Variants in C1orf167 observed in about 807,000 individuals in gnomAD.
The protein encoded by C1orf167 is chromosome 1 open reading frame 167.
Under a neutral mutation model 176.5 loss-of-function variants are expected in C1orf167, and 153 were observed. That is an observed-to-expected ratio of 0.87 (90% CI 0.76 to 0.99). The LOEUF is 0.99. Ranked by LOEUF, C1orf167 falls within the 50% of genes least tolerant of loss-of-function variation. The probability of loss-of-function intolerance (pLI) is 0.00; values close to 1 mark genes in which losing one functional copy is unlikely to be tolerated. For missense variants in C1orf167, 1,490 were observed against 1,817.7 expected (o/e 0.82, Z 3.28); for synonymous variants, 594 against 752.7 (o/e 0.79, Z 3.45).
intron 6 of C1orf167, among the ~76,000 whole-genome samples, chr1:11,769,825 C>T (rs887203414): frequency 6.6e-6 from 1 of 152,014 alleles, no homozygotes; most frequent in Admixed American, 6.6e-5. Flanking sequence ...GCGCCCACCA[C>T]CATGCCCGGC....
chr1:11,774,442 T>A (rs574497447), intron 8 of C1orf167, among the ~76,000 whole-genome samples: 11 of 152,378 alleles, frequency 7.2e-5, no homozygotes, highest in African/African-American at 2.6e-4. Context: ...AGTTTCCCAC[T>A]GTCTGCATTT....
chr1:11,785,073 A>G, intron 15 of C1orf167, 75 bp from the exon 16 acceptor site: 1 of 1,147,972 alleles, frequency 8.7e-7, no homozygotes, highest in Non-Finnish European at 1.1e-6. Context: ...CCCCTCCCGC[A>G]GGGCACTGGG....
At position 11,763,323 on chromosome 1, in the gene C1orf167, T is replaced by C. The variant is rs1003010842; in HGVS notation, c.-70-1008T>C. On this transcript the variant is annotated intron_variant, in intron 1 of 20. Transcript: ENST00000688073. ...TGGCGTGGTGGCATGTGCCTGTGGT[T>C]CCAGCTTGTTAGAGGCTGAGGTGGG... Among the ~76,000 whole-genome samples, 8 of 152,070 alleles carry C rather than the reference T, an allele frequency of 5.3e-5. No homozygotes were observed. The South Asian group carries it at 1.0e-3, about 20-fold the overall frequency.
chr1:11,766,132 C>T lies in C1orf167; in HGVS notation c.346C>T (p.Arg116Ter), dbSNP rs1038327298. ...SLARRRQGKA[R>*]EFAIQQSNLS... ...GGCCAGGAGGCGCCAAGGGAAGGCC[C>T]GAGAGTTTGCCATCCAGCAGAGCAA... The change falls in exon 3 of 21, where the codon CGA becomes TGA. Residue 116 changes from arginine (R) to a stop codon, truncating the protein, a stop_gained. Coordinates refer to ENST00000688073, the MANE Select transcript of C1orf167 (RefSeq NM_001010881.2). LOFTEE classifies it high-confidence loss of function. The surrounding 1 kb of genome is among the most constrained non-coding windows in gnomAD (Gnocchi z 4.5). 35 of 1,289,698 alleles carry T rather than the reference C, an allele frequency of 2.7e-5. No individual in the cohort carries two copies. Among genetic ancestry groups the T allele is most frequent in the Middle Eastern group, 2.1e-4 (1 of 4,718 alleles). 79.9% of individuals were successfully genotyped at this position (1,289,698 alleles called of 1,614,324 possible).
chr1:11,780,117 G>GA, intron 13 of C1orf167, 107 bp downstream of exon 13: 1 of 849,148 alleles, frequency 1.2e-6, no homozygotes, highest in Non-Finnish European at 1.6e-6. Context: ...CCGCATGGGA[G>GA]AACTTGAGGC....
intron 13 of C1orf167, 76 bp from the exon 14 acceptor site, chr1:11,782,113 G>A: frequency 8.6e-7 from 1 of 1,164,936 alleles, no homozygotes; most frequent in African/African-American, 1.6e-5. Flanking sequence ...GGGGGCGAAG[G>A]GCTGGCTGCG....
In C1orf167 at chr1:11,766,678, C is replaced by T. The variant is rs1050300072; in HGVS notation, c.892C>T (p.Arg298Cys). The T allele has an allele frequency of 3.1e-5, 40 of 1,289,626 alleles. No homozygotes were observed. Among genetic ancestry groups the T allele is most frequent in the African/African-American group, 9.1e-5 (6 of 65,820 alleles). The allele number at this position is 1,289,626 out of a possible 1,614,324, so 79.9% of individuals were successfully genotyped here. A position where few individuals can be genotyped will look rare whatever the true frequency, so the allele number is the denominator to read the frequency against. The change falls in exon 3 of 21, where the codon CGC becomes TGC. Residue 298 changes from arginine (R) to cysteine (C), a missense_variant. By Grantham distance (180) the Arg-to-Cys change is radical (BLOSUM62 -3). Transcript: ENST00000688073. The surrounding 1 kb of genome is among the most constrained non-coding windows in gnomAD (Gnocchi z 4.5). ...TGCTTCCTCGGATGGGAGGAGGAGA[C>T]GCCTTCGAGGCCACAGGGAAACTGC... ...VLASSDGRRR[R>C]LRGHRETAAF...
At chr1:11,770,165 A>T (rs1642984716) in intron 6 of C1orf167, among the ~76,000 whole-genome samples, 1 of 124,698 alleles carries the variant, frequency 8.0e-6, no homozygotes, top group African/African-American at 2.9e-5. Context: ...ATTTTTCTTA[A>T]AGGAGCATAA....
intron 6 of C1orf167, among the ~76,000 whole-genome samples, chr1:11,769,507 G>T (rs1642950029): frequency 6.6e-6 from 1 of 151,976 alleles, no homozygotes; most frequent in African/African-American, 2.4e-5. Flanking sequence ...AATCAAGGCT[G>T]CAGTGAGCTA....
At position 11,767,130 on chromosome 1, in the gene C1orf167, G is replaced by T. The variant is rs1388105535; in HGVS notation, c.1299+45G>T. ...GGAGGTGGGGTAGGGGGTAGGAGGT[G>T]TTGCTCCAGGGCAGGGAGGCTTGGC... On this transcript the variant is annotated intron_variant, in intron 3 of 20. Coordinates refer to ENST00000688073, the MANE Select transcript of C1orf167 (RefSeq NM_001010881.2). 3 of 1,273,550 alleles carry T rather than the reference G, an allele frequency of 2.4e-6. No individual in the cohort carries two copies. In the South Asian group the frequency reaches 3.8e-5, roughly 16 times the overall value. 78.9% of individuals were successfully genotyped at this position (1,273,550 alleles called of 1,614,324 possible).
At position 11,765,774 on chromosome 1, in the gene C1orf167, C is replaced by T; in HGVS notation, c.71-83C>T. 4.4e-6 allele frequency: 5 copies of T among 1,144,900 alleles called. No individual in the cohort carries two copies. The South Asian group carries it at 8.4e-5, about 19-fold the overall frequency. The allele number at this position is 1,144,900 out of a possible 1,614,324, so 70.9% of individuals were successfully genotyped here. On this transcript the variant is annotated intron_variant, in intron 2 of 20. Transcript: ENST00000688073. Reference sequence around the variant, plus strand: ...TCCCGCTGCTGGGGCCCTGTCCCCTCCCTGGCTCCGAGGCCTGGAGAGCTT... The same window carrying T: ...TCCCGCTGCTGGGGCCCTGTCCCCTTCCTGGCTCCGAGGCCTGGAGAGCTT...
chr1:11,765,067 A>AG (rs1257227432), intron 2 of C1orf167, among the ~76,000 whole-genome samples: 2 of 151,078 alleles, frequency 1.3e-5, no homozygotes, highest in Admixed American at 6.6e-5. Context: ...AAAAAAAAAA[A>AG]AAAAAAAAAA....
intron 10 of C1orf167, 46 bp from the exon 11 acceptor site, chr1:11,778,614 G>C: frequency 7.9e-7 from 1 of 1,261,478 alleles, no homozygotes. Context: ...ACCCTGCACA[G>C]CCTGAGGGTG....
Position 11,768,306 on chromosome 1 carries a change from C to G in C1orf167, c.1542+31C>G. Reference sequence around the variant, plus strand: ...CGGTCTCCAGGTTGGGCCAGGGGGCCGTGTGAAGCAGTGGTGTGTCTGGGG... The same window carrying G: ...CGGTCTCCAGGTTGGGCCAGGGGGCGGTGTGAAGCAGTGGTGTGTCTGGGG... On this transcript the variant is annotated intron_variant, in intron 5 of 20. Transcript: ENST00000688073. The surrounding 1 kb of genome is among the most constrained non-coding windows in gnomAD (Gnocchi z 4.5). The G allele has an allele frequency of 7.8e-7, 1 of 1,286,818 alleles. No homozygotes were observed. The highest frequency in any genetic ancestry group is 1.2e-5 in the South Asian group (1 of 80,834). 79.7% of individuals were successfully genotyped at this position (1,286,818 alleles called of 1,614,324 possible). A position where few individuals can be genotyped will look rare whatever the true frequency, so the allele number is the denominator to read the frequency against.
chr1:11,771,070 T>TATATATATA (rs1491455421), intron 6 of C1orf167, among the ~76,000 whole-genome samples: 14 of 23,218 alleles, frequency 6.0e-4, no homozygotes, highest in African/African-American at 2.0e-3. Context: ...TATATATATA[T>TATATATATA]TTTTTTTTTT....
At chr1:11,789,168 T>A in intron 20 of C1orf167, 102 bp from the exon 21 acceptor site, 1 of 1,140,812 alleles carries the variant, frequency 8.8e-7, no homozygotes, top group Non-Finnish European at 1.1e-6. Context: ...GGAGGGGCCC[T>A]GGGGACAAAA....
At position 11,768,567 on chromosome 1, in the gene C1orf167, C is replaced by T. The variant is rs1284217606; in HGVS notation, c.1542+292C>T. ...GATGATGATAATAGAACATACCTCT[C>T]TCAGGGTCGTTGTGAGATTAAATTA... On this transcript the variant is annotated intron_variant, in intron 5 of 20. Coordinates refer to ENST00000688073, the MANE Select transcript of C1orf167 (RefSeq NM_001010881.2). The surrounding 1 kb of genome is among the most constrained non-coding windows in gnomAD (Gnocchi z 4.5). 6.6e-6 allele frequency among the ~76,000 whole-genome samples: 1 copy of T among 152,172 alleles called. No individual in the cohort carries two copies. The highest frequency in any genetic ancestry group is 2.4e-5 in the African/African-American group (1 of 41,446).
intron 4 of C1orf167, among the ~76,000 whole-genome samples, chr1:11,767,742 C>G (rs1476502285): frequency 1.3e-5 from 2 of 152,242 alleles, no homozygotes; most frequent in South Asian, 4.1e-4. Flanking sequence ...GGGAGGATCA[C>G]TTGAGCCCAG....
At chr1:11,771,444 C>A in intron 6 of C1orf167, 80 bp from the exon 7 acceptor site, 1 of 870,456 alleles carries the variant, frequency 1.1e-6, no homozygotes, top group South Asian at 1.4e-5. Context: ...CCGCACCTGC[C>A]TGGGGTGGGG....
Sources: gnomAD v4.1 joint callset for allele counts (sites outside exome capture counted in the v4.1 genomes callset) on GRCh38, gnomAD v4.1.1 for gene constraint, Gnocchi (gnomAD v3.1) non-coding constraint, MANE v1.5 for transcripts, NCBI Gene and HGNC (gene_info 2026-07-23, HGNC 2026-07-21) for gene names.